The following SMARCB1 variants were observed in gnomAD, a reference collection of about 807,000 sequenced individuals.
SMARCB1 encodes SWI/SNF related BAF chromatin remodeling complex subunit B1, also known as SWI/SNF-related matrix-associated actin-dependent regulator of chromatin subfamily B member 1.
A neutral mutation model predicts 49.0 loss-of-function variants in SMARCB1; 5 were observed. The observed-to-expected ratio is 0.10, with a 90% CI of 0.05 to 0.21. The LOEUF is 0.21. SMARCB1 is among the 10% of genes least tolerant of loss of function. The probability of loss-of-function intolerance (pLI) is 1.00; values close to 1 mark genes in which losing one functional copy is unlikely to be tolerated. For missense variants in SMARCB1, 226 were observed against 509.2 expected (o/e 0.44, Z 5.35); for synonymous variants, 201 against 200.1 (o/e 1.00, Z -0.04).
At chr22:23,820,575 C>T (rs1207501023) in intron 6 of SMARCB1, among the ~76,000 whole-genome samples, 4 of 152,180 alleles carry the variant, frequency 2.6e-5, no homozygotes, top group African/African-American at 7.2e-5. Flanking sequence ...CTGACTCAGT[C>T]AGTCAATCAG....
intron 3 of SMARCB1, among the ~76,000 whole-genome samples, chr22:23,797,832 T>C (rs1928874455): frequency 6.6e-6 from 1 of 150,842 alleles, no homozygotes; most frequent in Non-Finnish European, 1.5e-5. Flanking sequence ...TTGGCCAGGC[T>C]GGTCTCGAAC....
At chr22:23,803,667 C>T in intron 5 of SMARCB1, 1 of 596,086 alleles carries the variant, frequency 1.7e-6, no homozygotes, top group Non-Finnish European at 3.0e-6. Flanking sequence ...AGAGGCCTGG[C>T]ATGGGAGGCG....
Position 23,791,953 on chromosome 22 carries a change from A to G in SMARCB1, c.232+59A>G. 6.3e-7 allele frequency: 1 copy of G among 1,584,052 alleles called. No individual in the cohort carries two copies. Among genetic ancestry groups the G allele is most frequent in the Non-Finnish European group, 8.7e-7 (1 of 1,154,896 alleles). ...AAAACCACTCGCTTATGTCATGAAG[A>G]TAAAACGTTTTCACTCCAGAGTGTC... On this transcript the variant is annotated intron_variant, in intron 2 of 8. Coordinates refer to ENST00000644036, the MANE Select transcript of SMARCB1 (RefSeq NM_003073.5).
rs972484827 is a variant in SMARCB1 at position 23,835,319 on chromosome 22, TGGGCACAGATCC to T, written c.*1152_*1163del. On this transcript the variant is annotated 3_prime_UTR_variant, in exon 9 of 9. Coordinates refer to ENST00000644036, the MANE Select transcript of SMARCB1 (RefSeq NM_003073.5). Reference sequence around the variant, plus strand: ...GCAGCTCCAGCCTTACTGAAGAGAATGGGCACAGATCCGGGCACAGATCCCAGCACAGACTGC... The same window carrying T: ...GCAGCTCCAGCCTTACTGAAGAGAATGGGCACAGATCCCAGCACAGACTGC... 1.4e-4 allele frequency: 143 copies of T among 1,022,552 alleles called. No individual in the cohort carries two copies. The highest frequency in any genetic ancestry group is 7.7e-4 in the African/African-American group (45 of 58,586). The allele number at this position is 1,022,552 out of a possible 1,614,324, so 63.3% of individuals were successfully genotyped here.
At position 23,837,109 on chromosome 22, in the gene SMARCB1, G is replaced by A. The variant is rs775902487; in HGVS notation, c.*2929G>A. 3.6e-5 allele frequency: 58 copies of A among 1,613,864 alleles called. No individual in the cohort carries two copies. In the Middle Eastern group the frequency reaches 4.9e-4, roughly 14 times the overall value. ...GAGCCTCTTGCCTCCAGGCTGGTTG[G>A]GGAAGACGTCCTCCAGGAAGTAGTA... is the stretch of plus-strand genomic sequence containing the variant. On this transcript the variant is annotated 3_prime_UTR_variant, in exon 9 of 9. Transcript: ENST00000644036.
Position 23,834,774 on chromosome 22 carries a change from A to T in SMARCB1, c.*594A>T, listed in dbSNP as rs1178120977. On this transcript the variant is annotated 3_prime_UTR_variant, in exon 9 of 9. Coordinates refer to ENST00000644036, the MANE Select transcript of SMARCB1 (RefSeq NM_003073.5). The stretch of plus-strand genomic sequence containing the variant: ...AAGAGTAGCTGTGAGGCTCAGGGCA[A>T]GAGGCTCTCTGCCTTTCAGGAACAG... 4 of 1,346,600 alleles carry T rather than the reference A, an allele frequency of 3.0e-6. No homozygotes were observed. Among genetic ancestry groups the T allele is most frequent in the Non-Finnish European group, 2.9e-6 (3 of 1,033,614 alleles). 83.4% of individuals were successfully genotyped at this position (1,346,600 alleles called of 1,614,324 possible).
At chr22:23,795,321 C>T (rs1011802442) in intron 3 of SMARCB1, among the ~76,000 whole-genome samples, 1 of 152,064 alleles carries the variant, frequency 6.6e-6, no homozygotes, top group African/African-American at 2.4e-5. Flanking sequence ...CCACTGTCCT[C>T]TAGCCTAGGT....
intron 1 of SMARCB1, among the ~76,000 whole-genome samples, chr22:23,790,937 C>T (rs1484192105): frequency 1.3e-5 from 2 of 152,060 alleles, no homozygotes; most frequent in Non-Finnish European, 2.9e-5. Flanking sequence ...TAGAAGTGGT[C>T]CTTCATGGGG....
intron 5 of SMARCB1, among the ~76,000 whole-genome samples, chr22:23,812,247 G>A (rs1010103358): frequency 7.9e-5 from 12 of 152,088 alleles, no homozygotes; most frequent in Admixed American, 7.2e-4. Flanking sequence ...CTTGAGGCCA[G>A]GAGTTCAAGA....
chr22:23,835,132 C>T lies in SMARCB1; in HGVS notation c.*952C>T, dbSNP rs2030939353. On this transcript the variant is annotated 3_prime_UTR_variant, in exon 9 of 9. Transcript: ENST00000644036. ...GGGAATAGCCCTCCCGGCCTGGTGC[C>T]AGCTCTTGGAGTTGACACGGTACAG... is the stretch of plus-strand genomic sequence containing the variant. 19 of 1,370,068 alleles carry T rather than the reference C, an allele frequency of 1.4e-5. No homozygotes were observed. The highest frequency in any genetic ancestry group is 1.7e-5 in the Non-Finnish European group (18 of 1,064,816). 84.9% of individuals were successfully genotyped at this position (1,370,068 alleles called of 1,614,324 possible). A position where few individuals can be genotyped will look rare whatever the true frequency, so the allele number is the denominator to read the frequency against.
rs537893405 is a variant in SMARCB1 at position 23,837,120 on chromosome 22, C to A, written c.*2940C>A. 6.2e-7 allele frequency: 1 copy of A among 1,613,982 alleles called. No homozygotes were observed. Among genetic ancestry groups the A allele is most frequent in the South Asian group, 1.1e-5 (1 of 91,086 alleles). On this transcript the variant is annotated 3_prime_UTR_variant, in exon 9 of 9. Transcript: ENST00000644036. ...CTCCAGGCTGGTTGGGGAAGACGTC[C>A]TCCAGGAAGTAGTAGATATGGCCCA... is the stretch of plus-strand genomic sequence containing the variant.
chr22:23,788,381 A>C (rs1334051765), intron 1 of SMARCB1, among the ~76,000 whole-genome samples: 2 of 152,218 alleles, frequency 1.3e-5, no homozygotes, highest in African/African-American at 4.8e-5. Flanking sequence ...TTCTCCTTAT[A>C]GCAGTTTTTA....
chr22:23,822,679 C>A (rs1275504425), intron 6 of SMARCB1, among the ~76,000 whole-genome samples: 1 of 152,204 alleles, frequency 6.6e-6, no homozygotes, highest in Admixed American at 6.5e-5. Context: ...CCTCACTGGG[C>A]AGATCCGGGT....
chr22:23,815,821 A>G (rs1342933186), intron 5 of SMARCB1: 1 of 152,270 alleles, frequency 6.6e-6, no homozygotes, highest in Non-Finnish European at 1.5e-5. Context: ...AACTGGGCGC[A>G]GTGTGCATGG....
intron 5 of SMARCB1, among the ~76,000 whole-genome samples, chr22:23,804,554 T>G (rs1482605695): frequency 6.6e-6 from 1 of 152,164 alleles, no homozygotes; most frequent in Non-Finnish European, 1.5e-5. Flanking sequence ...CTCTTTTTTT[T>G]GGGAGGGGAG....
chr22:23,792,036 G>A (rs1201858754), intron 2 of SMARCB1, 142 bp downstream of exon 2: 2 of 803,804 alleles, frequency 2.5e-6, no homozygotes, highest in East Asian at 2.7e-5. Flanking sequence ...GCCGCCCTGT[G>A]AGCACTCCAG....
intron 3 of SMARCB1, among the ~76,000 whole-genome samples, chr22:23,799,679 A>ATTCTTTTTTTTTTT (rs1929015452): frequency 1.5e-5 from 1 of 68,406 alleles, no homozygotes; most frequent in Non-Finnish European, 2.7e-5. Context: ...CACCTGGCTA[A>ATTCTTTTTTTTTTT]TTTTTTTTTT....
rs2030990439 is a variant in SMARCB1 at position 23,835,695 on chromosome 22, G to A, written c.*1515G>A. On this transcript the variant is annotated 3_prime_UTR_variant, in exon 9 of 9. Transcript: ENST00000644036. ...GCCCAGCTGCTCTTAGACATGAACAGGTTTCATTGCTGAGGTGTTTGTTCT... is the reference window on the plus strand; with the variant it reads ...GCCCAGCTGCTCTTAGACATGAACAAGTTTCATTGCTGAGGTGTTTGTTCT... 1.0e-6 allele frequency: 1 copy of A among 985,416 alleles called. No individual in the cohort carries two copies. The highest frequency in any genetic ancestry group is 6.1e-5 in the Admixed American group (1 of 16,276). 61.0% of individuals were successfully genotyped at this position (985,416 alleles called of 1,614,324 possible). A position where few individuals can be genotyped will look rare whatever the true frequency, so the allele number is the denominator to read the frequency against.
chr22:23,816,964 G>T (rs1224022011), intron 6 of SMARCB1, 28 bp downstream of exon 6: 4 of 1,600,472 alleles, frequency 2.5e-6, no homozygotes, highest in Non-Finnish European at 3.4e-6. Flanking sequence ...CAGCACTGGA[G>T]CCTTCCTGGC....
Sources: allele counts gnomAD v4.1 joint callset (sites outside exome capture counted in the v4.1 genomes callset), GRCh38; gene constraint gnomAD v4.1.1; transcripts MANE v1.5; gene names NCBI Gene and HGNC (gene_info 2026-07-23, HGNC 2026-07-21).